HOMER2: variants seen among roughly 807,000 people sequenced by gnomAD.
The protein encoded by HOMER2 is homer scaffold protein 2, also known as homer protein homolog 2.
Under a neutral mutation model 47.0 loss-of-function variants are expected in HOMER2, and 27 were observed. The observed-to-expected ratio is 0.57, with a 90% CI of 0.42 to 0.79. HOMER2 has a LOEUF of 0.79. HOMER2 is among the 30% of genes least tolerant of loss of function. HOMER2 has a pLI of 0.00. For synonymous variants in HOMER2, 161 were observed against 163.8 expected (o/e 0.98, Z 0.13); for missense variants, 443 against 435.0 (o/e 1.02, Z -0.16).
At position 82,952,626 on chromosome 15, in the gene HOMER2, C is replaced by T. The variant is rs986386788; in HGVS notation, c.-91G>A. The T allele has an allele frequency of 2.7e-4, 277 of 1,044,396 alleles. No homozygotes were observed. The highest frequency in any genetic ancestry group is 3.1e-4 in the Non-Finnish European group (267 of 869,934). 64.7% of individuals were successfully genotyped at this position (1,044,396 alleles called of 1,614,324 possible). On this transcript the variant is annotated 5_prime_UTR_variant, in exon 1 of 9. Coordinates refer to ENST00000450735, the MANE Select transcript of HOMER2 (RefSeq NM_004839.4). The stretch of plus-strand genomic sequence containing the variant: ...GCCGCTCCCCGCGCGGCACATGCGG[C>T]GGCCCGTGCGCGCCCGGCTCAGCCC...
chr15:82,911,308 C>A (rs1273026350), intron 1 of HOMER2, among the ~76,000 whole-genome samples: 1 of 152,160 alleles, frequency 6.6e-6, no homozygotes, highest in African/African-American at 2.4e-5. Context: ...CAAATTAGTT[C>A]TAGTTTTGGC....
intron 2 of HOMER2, among the ~76,000 whole-genome samples, chr15:82,891,745 T>A (rs536648360): frequency 1.5e-3 from 236 of 152,296 alleles, no homozygotes; most frequent in Non-Finnish European, 2.6e-3. Context: ...ACAAGAGTTA[T>A]GGTCTTAAAA....
At chr15:82,958,254 A>G (rs1175184904) in exon 2 of HOMER2, 1 of 152,260 alleles carries the variant, frequency 6.6e-6, no homozygotes. Flanking sequence ...GAAGACTTCA[A>G]AAAGGGGATG....
At chr15:82,852,294 A>C in intron 6 of HOMER2, 42 bp from the exon 7 acceptor site, 2 of 1,379,638 alleles carry the variant, frequency 1.4e-6, no homozygotes, top group South Asian at 1.2e-5. Context: ...CGCCAGCTTA[A>C]CATTAGTCAT....
At chr15:82,904,132 C>A (rs1186242631) in intron 1 of HOMER2, among the ~76,000 whole-genome samples, 3 of 152,010 alleles carry the variant, frequency 2.0e-5, no homozygotes, top group Non-Finnish European at 2.9e-5. Flanking sequence ...GTGAGACTGG[C>A]TCAAAACAAA....
At chr15:82,921,812 T>G (rs1303710134) in intron 1 of HOMER2, among the ~76,000 whole-genome samples, 1 of 152,226 alleles carries the variant, frequency 6.6e-6, no homozygotes, top group African/African-American at 2.4e-5. Flanking sequence ...GCTATATTTC[T>G]GACATTGCCT....
chr15:82,864,397 A>G, intron 3 of HOMER2, 138 bp from the exon 4 acceptor site: 1 of 578,748 alleles, frequency 1.7e-6, no homozygotes, highest in Non-Finnish European at 3.0e-6. Context: ...TTTGCTATTA[A>G]ATGAATATAA....
chr15:82,899,858 C>G (rs1049280908), intron 1 of HOMER2, among the ~76,000 whole-genome samples: 4 of 152,064 alleles, frequency 2.6e-5, no homozygotes, highest in African/African-American at 9.7e-5. Context: ...CACATCTCTA[C>G]TAAAAATGTA....
intron 1 of HOMER2, among the ~76,000 whole-genome samples, chr15:82,899,327 A>G (rs1783243552): frequency 6.6e-6 from 1 of 152,208 alleles, no homozygotes; most frequent in South Asian, 2.1e-4. Flanking sequence ...CTGAAGACAC[A>G]GGCCCTTGAC....
intron 1 of HOMER2, among the ~76,000 whole-genome samples, chr15:82,945,047 G>A (rs960293549): frequency 6.6e-6 from 1 of 151,994 alleles, no homozygotes; most frequent in African/African-American, 2.4e-5. Flanking sequence ...TAGCAACAAC[G>A]ATGAATCCTT....
chr15:82,928,383 G>A (rs925215023), intron 1 of HOMER2, among the ~76,000 whole-genome samples: 8 of 152,186 alleles, frequency 5.3e-5, no homozygotes, highest in Non-Finnish European at 1.5e-5. Flanking sequence ...GATGTAGGGG[G>A]AAATGGACTT....
intron 3 of HOMER2, 124 bp downstream of exon 3, chr15:82,875,149 G>A (rs769967703): frequency 1.6e-5 from 18 of 1,130,288 alleles, no homozygotes; most frequent in Non-Finnish European, 2.0e-5. Context: ...GTGATGCCAG[G>A]AGGAGTGAAA....
intron 1 of HOMER2, among the ~76,000 whole-genome samples, chr15:82,982,402 G>A (rs952834635): frequency 6.6e-6 from 1 of 152,150 alleles, no homozygotes; most frequent in Non-Finnish European, 1.5e-5. Flanking sequence ...AGAATGAAAA[G>A]ACATTGGTGG....
At chr15:82,882,058 T>C (rs1029709684) in intron 2 of HOMER2, among the ~76,000 whole-genome samples, 1 of 152,242 alleles carries the variant, frequency 6.6e-6, no homozygotes, top group African/African-American at 2.4e-5. Context: ...TTCTTTATAA[T>C]GGAGTTGGCC....
intron 1 of HOMER2, among the ~76,000 whole-genome samples, chr15:82,983,134 C>T (rs1031419196): frequency 2.0e-5 from 3 of 152,190 alleles, no homozygotes; most frequent in Non-Finnish European, 4.4e-5. Flanking sequence ...TGGGCAAGCT[C>T]ATTTAACACA....
chr15:82,899,291 G>A (rs2053036975), intron 1 of HOMER2, among the ~76,000 whole-genome samples: 1 of 152,226 alleles, frequency 6.6e-6, no homozygotes. Flanking sequence ...TACTGTCATA[G>A]CATCTTGTGA....
intron 1 of HOMER2, among the ~76,000 whole-genome samples, chr15:82,973,785 G>C (rs2030096159): frequency 6.6e-6 from 1 of 152,206 alleles, no homozygotes; most frequent in African/African-American, 2.4e-5. Flanking sequence ...CCAATGTCTG[G>C]CCAGGCATGG....
intron 1 of HOMER2, among the ~76,000 whole-genome samples, chr15:82,924,858 T>C (rs2053818507): frequency 1.3e-5 from 2 of 152,208 alleles, no homozygotes; most frequent in African/African-American, 4.8e-5. Context: ...AAGCCACACA[T>C]AGCTACTCAG....
intron 3 of HOMER2, among the ~76,000 whole-genome samples, chr15:82,866,271 G>A (rs768561061): frequency 2.6e-5 from 4 of 152,194 alleles, no homozygotes; most frequent in Admixed American, 6.5e-5. Flanking sequence ...CTGCCCTGCT[G>A]GATTTTGGAC....
Sources: allele counts gnomAD v4.1 joint callset (sites outside exome capture counted in the v4.1 genomes callset), GRCh38; gene constraint gnomAD v4.1.1; transcripts MANE v1.5; gene names NCBI Gene and HGNC (gene_info 2026-07-23, HGNC 2026-07-21).